Variants in EMCN observed in about 807,000 individuals in gnomAD.
The protein encoded by EMCN is endomucin.
In EMCN, 37 loss-of-function variants were observed where a neutral mutation model predicts 38.4. The ratio of observed to expected loss-of-function variants is 0.96; its 90% confidence interval spans 0.74 to 1.27. The LOEUF is 1.27. Among genes scored for constraint, EMCN ranks in the 50% most tolerant of loss-of-function variants. The probability of loss-of-function intolerance (pLI) is 0.00; values close to 1 mark genes in which losing one functional copy is unlikely to be tolerated. For missense variants in EMCN, 318 were observed against 302.8 expected (o/e 1.05, Z -0.37); for synonymous variants, 95 against 100.8 (o/e 0.94, Z 0.35).
At chr4:100,502,413 G>A (rs954165925) in intron 1 of EMCN, among the ~76,000 whole-genome samples, 7 of 151,448 alleles carry the variant, frequency 4.6e-5, no homozygotes, top group Admixed American at 1.3e-4. Context: ...GGCCGCCCTA[G>A]AAAAAAAATG....
chr4:100,465,411 C>A lies in EMCN; in HGVS notation c.376+12G>T. 6.6e-7 allele frequency: 1 copy of A among 1,507,184 alleles called. No individual in the cohort carries two copies. The highest frequency in any genetic ancestry group is 9.1e-7 in the Non-Finnish European group (1 of 1,094,464). 93.4% of individuals were successfully genotyped at this position (1,507,184 alleles called of 1,614,324 possible). ...ACTAGTTTAACACTTCAGCACAAAT[C>A]CTCATACTTACTCTTGGGTTTGGAA... is the stretch of plus-strand genomic sequence containing the variant. On this transcript the variant is annotated intron_variant, in intron 4 of 11. Transcript: ENST00000296420.
chr4:100,399,472 C>T (rs1466913913), intron 11 of EMCN, among the ~76,000 whole-genome samples: 2 of 152,108 alleles, frequency 1.3e-5, no homozygotes, highest in Non-Finnish European at 2.9e-5. Context: ...TGGGGGAAAG[C>T]AGGACATTGG....
chr4:100,425,483 G>C (rs1028892640), intron 5 of EMCN, among the ~76,000 whole-genome samples: 1 of 152,074 alleles, frequency 6.6e-6, no homozygotes, highest in Non-Finnish European at 1.5e-5. Context: ...GGATAGCTGG[G>C]TACAAATCTG....
At chr4:100,495,711 T>C (rs1729190694) in intron 1 of EMCN, among the ~76,000 whole-genome samples, 1 of 152,080 alleles carries the variant, frequency 6.6e-6, no homozygotes, top group Admixed American at 6.5e-5. Context: ...TTTGTTAGTT[T>C]AGAGTCATTA....
At chr4:100,509,096 T>C (rs1729558863) in intron 1 of EMCN, among the ~76,000 whole-genome samples, 1 of 152,176 alleles carries the variant, frequency 6.6e-6, no homozygotes, top group African/African-American at 2.4e-5. Context: ...CTACGAAATA[T>C]CACCTATGTG....
intron 5 of EMCN, among the ~76,000 whole-genome samples, chr4:100,435,720 A>G (rs1335871230): frequency 1.3e-5 from 2 of 152,060 alleles, no homozygotes; most frequent in Non-Finnish European, 2.9e-5. Context: ...CAGAAATAAG[A>G]CCACACACCT....
chr4:100,473,573 A>ATTCAAGAAG (rs1254338761), intron 3 of EMCN, among the ~76,000 whole-genome samples: 1 of 151,896 alleles, frequency 6.6e-6, no homozygotes, highest in Non-Finnish European at 1.5e-5. Flanking sequence ...CATACAGTGC[A>ATTCAAGAAG]TTCAAGAAGT....
At chr4:100,457,050 G>A (rs891671152) in intron 4 of EMCN, among the ~76,000 whole-genome samples, 17 of 151,936 alleles carry the variant, frequency 1.1e-4, no homozygotes, top group South Asian at 4.2e-4. Context: ...ATTATGAAAT[G>A]TTCCTATTTA....
At chr4:100,478,989 A>G (rs1360222853) in intron 2 of EMCN, among the ~76,000 whole-genome samples, 1 of 152,118 alleles carries the variant, frequency 6.6e-6, no homozygotes, top group Admixed American at 6.6e-5. Context: ...GTTTGGTTTC[A>G]TCTTATAATC....
intron 4 of EMCN, among the ~76,000 whole-genome samples, chr4:100,464,625 C>T (rs950847856): frequency 6.6e-6 from 1 of 152,004 alleles, no homozygotes; most frequent in Non-Finnish European, 1.5e-5. Context: ...TTGTCGAATG[C>T]TCCTTCTACA....
chr4:100,433,469 G>A (rs907498052), intron 5 of EMCN, among the ~76,000 whole-genome samples: 5 of 152,042 alleles, frequency 3.3e-5, no homozygotes, highest in African/African-American at 4.8e-5. Context: ...CAGAAAAAGG[G>A]ATTGATTGAT....
intron 5 of EMCN, among the ~76,000 whole-genome samples, chr4:100,434,292 C>T (rs1262122710): frequency 6.6e-6 from 1 of 151,730 alleles, no homozygotes; most frequent in African/African-American, 2.4e-5. Context: ...GACTCATACA[C>T]CCTCCAAAGA....
chr4:100,433,568 C>A (rs1035540961), intron 5 of EMCN, among the ~76,000 whole-genome samples: 2 of 151,746 alleles, frequency 1.3e-5, no homozygotes, highest in Non-Finnish European at 2.9e-5. Flanking sequence ...GACAGTCTCA[C>A]TCTGTCATCC....
At chr4:100,453,506 A>G (rs530674026) in intron 4 of EMCN, among the ~76,000 whole-genome samples, 150 of 152,338 alleles carry the variant, frequency 9.8e-4, no homozygotes, top group South Asian at 5.6e-3. Flanking sequence ...GGCAACCATT[A>G]AAAAGCCAGG....
At chr4:100,413,651 A>C (rs1288971505) in intron 10 of EMCN, among the ~76,000 whole-genome samples, 1 of 152,188 alleles carries the variant, frequency 6.6e-6, no homozygotes, top group Non-Finnish European at 1.5e-5. Context: ...TGGGCTACTG[A>C]AGTCTACTCT....
At chr4:100,430,570 C>G (rs1277366777) in intron 5 of EMCN, among the ~76,000 whole-genome samples, 1 of 152,006 alleles carries the variant, frequency 6.6e-6, no homozygotes, top group Admixed American at 6.6e-5. Context: ...AGAACCATAC[C>G]CATTTAGCAA....
chr4:100,410,179 T>C, intron 11 of EMCN, 103 bp downstream of exon 11: 1 of 857,186 alleles, frequency 1.2e-6, no homozygotes, highest in Non-Finnish European at 1.9e-6. Flanking sequence ...CACAAACCAT[T>C]AGCTTTCCAG....
At chr4:100,446,232 C>A (rs1244848473) in intron 5 of EMCN, 11 of 984,328 alleles carry the variant, frequency 1.1e-5, no homozygotes, top group Admixed American at 6.2e-5. Flanking sequence ...TCCTCTAGTG[C>A]CTGCCAATTT....
At chr4:100,401,127 A>G (rs1228904381) in intron 11 of EMCN, among the ~76,000 whole-genome samples, 4 of 152,214 alleles carry the variant, frequency 2.6e-5, no homozygotes, top group Non-Finnish European at 5.9e-5. Context: ...GGTTTTATAG[A>G]TGTGGAACCC....
Sources: allele counts gnomAD v4.1 joint callset (sites outside exome capture counted in the v4.1 genomes callset), GRCh38; gene constraint gnomAD v4.1.1; transcripts MANE v1.5; gene names NCBI Gene and HGNC (gene_info 2026-07-23, HGNC 2026-07-21).